The following LIG1 variants were observed in gnomAD, a reference collection of about 807,000 sequenced individuals.
LIG1 encodes the protein ligase I, DNA, ATP-dependent.
Under a neutral mutation model 115.7 loss-of-function variants are expected in LIG1, and 70 were observed. The ratio of observed to expected loss-of-function variants is 0.60; its 90% CI spans 0.50 to 0.74. The LOEUF (loss-of-function observed/expected upper bound fraction) is 0.74, where lower values mean the gene tolerates loss of function less well. LIG1 is among the 30% of genes least tolerant of loss of function. The pLI, the probability that LIG1 is intolerant of heterozygous loss-of-function variation, is 0.00. For synonymous variants in LIG1, 487 were observed against 495.3 expected (o/e 0.98, Z 0.22); for missense variants, 1,115 against 1,225.6 (o/e 0.91, Z 1.35).
rs764901559 is a variant in LIG1, at chr19:48,121,145, G to A, written c.2385+25C>T. The A allele has an allele frequency of 1.9e-6, 3 of 1,613,854 alleles. No individual in the cohort carries two copies. The African/African-American group carries it at 4.0e-5, about 22-fold the overall frequency. On this transcript the variant is annotated intron_variant, in intron 24 of 27. Coordinates refer to ENST00000263274, the MANE Select transcript of LIG1 (RefSeq NM_000234.3). ...TCTAATCTCCTTCCCTCCTGCTTCT[G>A]CCATCAGCCCCAGTTCCCCAGGACC...
In LIG1 at chr19:48,170,326, C is replaced by G. The variant is rs555269358; in HGVS notation, c.-143G>C. The G allele has an allele frequency of 2.2e-6, 1 of 444,666 alleles. No individual in the cohort carries two copies. The highest frequency in any genetic ancestry group is 4.5e-6 in the Non-Finnish European group (1 of 221,394). The allele number at this position is 444,666 out of a possible 1,614,324, so 27.5% of individuals were successfully genotyped here. ...CTGCAGTCCCAAGTTCGCGCCACGG[C>G]ATTCGCGCGCAGACGTCTGCGGGCG... On this transcript the variant is annotated 5_prime_UTR_variant, in exon 1 of 28. An upstream start codon of the reference 5' UTR is lost. Transcript: ENST00000263274.
intron 15 of LIG1, 112 bp from the exon 16 acceptor site, chr19:48,135,891 G>GCGGGCCCCCC: frequency 1.1e-6 from 1 of 928,682 alleles, no homozygotes; most frequent in Non-Finnish European, 1.7e-6. Flanking sequence ...GGCCCAAGAC[G>GCGGGCCCCCC]CCCCCTCCCC....
chr19:48,131,272 C>T (rs1599768101), intron 18 of LIG1, 101 bp from the exon 19 acceptor site: 2 of 834,496 alleles, frequency 2.4e-6, no homozygotes, highest in East Asian at 5.1e-5. Context: ...GTTCTGGAAG[C>T]TCTGGAGGAG....
At chr19:48,143,682 T>C in intron 10 of LIG1, 83 bp from the exon 11 acceptor site, 1 of 1,243,622 alleles carries the variant, frequency 8.0e-7, no homozygotes, top group Non-Finnish European at 1.2e-6. Flanking sequence ...TCCTCACGCC[T>C]CCTCGGGACA....
intron 1 of LIG1, 153 bp downstream of exon 1, chr19:48,170,088 C>G: frequency 2.4e-6 from 1 of 408,556 alleles, no homozygotes; most frequent in Non-Finnish European, 5.0e-6. Flanking sequence ...GCCCGCAGCC[C>G]GCGCTCTTCC....
intron 2 of LIG1, 21 bp downstream of exon 2, chr19:48,165,529 G>A: frequency 6.3e-7 from 1 of 1,577,946 alleles, no homozygotes; most frequent in Non-Finnish European, 8.7e-7. Context: ...GAAAGACTCA[G>A]GGGCAAGGGA....
At chr19:48,133,179 GC>G in intron 17 of LIG1, 82 bp from the exon 18 acceptor site, 1 of 905,518 alleles carries the variant, frequency 1.1e-6, no homozygotes, top group Non-Finnish European at 1.9e-6. Flanking sequence ...CTGCTAATGG[GC>G]CCCAGGACCA....
Position 48,127,929 on chromosome 19 carries a change from A to G in LIG1, c.1913T>C (p.Leu638Pro). The change falls in exon 20 of 28, where the codon CTC (leucine) becomes CCC (proline). Residue 638 changes from leucine to proline, a missense_variant. Physicochemically the swap from Leu to Pro is moderately conservative, Grantham distance 98 (BLOSUM62 -3). Transcript: ENST00000263274. ...EKKQIQPFQVLTTRKRKEVDA... is the reference protein window; with the variant it reads ...EKKQIQPFQVPTTRKRKEVDA... ...TGCTACCTTGCGTTTGCGGGTGGTG[A>G]GCACTTGGAATGGCTGGATCTGCTT... The G allele has an allele frequency of 6.2e-7, 1 of 1,614,104 alleles. No individual in the cohort carries two copies. The highest frequency in any genetic ancestry group is 1.1e-5 in the South Asian group (1 of 91,080).
chr19:48,155,298 C>T (rs1338950201), intron 5 of LIG1, among the ~76,000 whole-genome samples: 2 of 152,146 alleles, frequency 1.3e-5, no homozygotes, highest in Non-Finnish European at 2.9e-5. Flanking sequence ...CTCTCTAGCT[C>T]ACCTCTCACC....
chr19:48,166,501 G>A (rs2036490178), intron 1 of LIG1, among the ~76,000 whole-genome samples: 1 of 126,348 alleles, frequency 7.9e-6, no homozygotes, highest in Non-Finnish European at 1.5e-5. Context: ...CGCCTCAGGA[G>A]GGACAGACGC....
chr19:48,139,500 A>G (rs561807608), intron 12 of LIG1, among the ~76,000 whole-genome samples: 1 of 152,070 alleles, frequency 6.6e-6, no homozygotes, highest in South Asian at 2.1e-4. Flanking sequence ...ATAAGCACCG[A>G]GCACTCCAGG....
chr19:48,120,857 G>A, intron 24 of LIG1: 1 of 909,428 alleles, frequency 1.1e-6, no homozygotes, highest in South Asian at 2.7e-5. Flanking sequence ...ATCCCTAATG[G>A]CATCAGACTG....
chr19:48,120,949 TCA>T, intron 24 of LIG1: 2 of 1,410,740 alleles, frequency 1.4e-6, no homozygotes, highest in Middle Eastern at 4.8e-4. Context: ...TCTCAATCTC[TCA>T]CTGACACACA....
At chr19:48,161,276 C>T (rs2036160524) in intron 4 of LIG1, 96 bp downstream of exon 4, 2 of 1,563,908 alleles carry the variant, frequency 1.3e-6, no homozygotes, top group East Asian at 4.5e-5. Context: ...CGGGCAATTT[C>T]TCCAGAATTC....
intron 11 of LIG1, among the ~76,000 whole-genome samples, chr19:48,140,841 G>A (rs915236139): frequency 1.3e-5 from 2 of 152,020 alleles, no homozygotes; most frequent in African/African-American, 2.4e-5. Context: ...GCCCCTACAC[G>A]CCAAATTATC....
chr19:48,166,097 TA>T (rs771045713), intron 1 of LIG1, among the ~76,000 whole-genome samples: 5 of 152,116 alleles, frequency 3.3e-5, no homozygotes, highest in Non-Finnish European at 5.9e-5. Flanking sequence ...CTGAACTGTG[TA>T]AAAGAGAAAG....
chr19:48,157,798 T>G (rs2035944716), intron 4 of LIG1, among the ~76,000 whole-genome samples: 1 of 152,206 alleles, frequency 6.6e-6, no homozygotes, highest in South Asian at 2.1e-4. Context: ...CCTCCCGCCT[T>G]GGCCTCCAGA....
At chr19:48,132,486 A>G (rs1022078237) in intron 18 of LIG1, among the ~76,000 whole-genome samples, 1 of 151,994 alleles carries the variant, frequency 6.6e-6, no homozygotes, top group African/African-American at 2.4e-5. Context: ...TAAGCTGGTG[A>G]GGTAGTTAAG....
In LIG1 at chr19:48,153,968, C is replaced by G; in HGVS notation, c.371-1G>C. On this transcript the variant is annotated splice_acceptor_variant, in intron 5 of 27. Coordinates refer to ENST00000263274, the MANE Select transcript of LIG1 (RefSeq NM_000234.3). LOFTEE classifies it high-confidence loss of function. ...GTCCGTTTCGGGAGCTGCTTCCGAG[C>G]TGGGGAGGCAAAGGGCTTGGTGTAT... 1 of 1,613,552 alleles carries G rather than the reference C, an allele frequency of 6.2e-7. No homozygotes were observed. Among genetic ancestry groups the G allele is most frequent in the Non-Finnish European group, 8.5e-7 (1 of 1,179,628 alleles).
Sources: gnomAD v4.1 joint callset for allele counts (sites outside exome capture counted in the v4.1 genomes callset) on GRCh38, gnomAD v4.1.1 for gene constraint, MANE v1.5 for transcripts, NCBI Gene and HGNC (gene_info 2026-07-23, HGNC 2026-07-21) for gene names.